The following RARB variants were observed in gnomAD, a reference collection of about 807,000 sequenced individuals.
RARB encodes the protein HBV-activated protein.
RARB carries 17 observed loss-of-function variants against 51.9 expected under a neutral mutation model. The ratio of observed to expected loss-of-function variants is 0.33; its 90% CI spans 0.22 to 0.49. The LOEUF is 0.49. Among genes scored for constraint, RARB ranks in the 20% least tolerant of loss-of-function variants. The probability of loss-of-function intolerance (pLI) is 0.99; values close to 1 mark genes in which losing one functional copy is unlikely to be tolerated. For missense variants in RARB, 369 were observed against 550.8 expected (o/e 0.67, Z 3.30); for synonymous variants, 215 against 195.4 (o/e 1.10, Z -0.84).
intron 3 of RARB, among the ~76,000 whole-genome samples, chr3:25,505,476 T>C (rs1488593262): frequency 6.6e-6 from 1 of 152,166 alleles, no homozygotes; most frequent in Non-Finnish European, 1.5e-5. Flanking sequence ...ATTTTACATG[T>C]GTAAGGGGAT....
chr3:25,330,429 A>G, intron 5 of RARB, among the ~76,000 whole-genome samples: 1 of 152,200 alleles, frequency 6.6e-6, no homozygotes. Context: ...TCATAAGTGA[A>G]GGAGAAATAA....
At chr3:25,243,073 G>A (rs1333606129) in intron 5 of RARB, among the ~76,000 whole-genome samples, 1 of 152,046 alleles carries the variant, frequency 6.6e-6, no homozygotes, top group South Asian at 2.1e-4. Context: ...TGTAGCAATT[G>A]TGAATGGGAA....
At chr3:24,836,346 G>C (rs1045073675) in intron 1 of RARB, among the ~76,000 whole-genome samples, 2 of 152,166 alleles carry the variant, frequency 1.3e-5, no homozygotes, top group Admixed American at 1.3e-4. Flanking sequence ...TCTTTTAAGA[G>C]TTTCAAATAT....
intron 3 of RARB, among the ~76,000 whole-genome samples, chr3:25,101,155 G>C (rs1699393189): frequency 6.6e-6 from 1 of 152,130 alleles, no homozygotes; most frequent in Non-Finnish European, 1.5e-5. Flanking sequence ...CAGAAGCCAA[G>C]ATTAACCAGA....
intron 5 of RARB, among the ~76,000 whole-genome samples, chr3:25,196,755 C>T (rs565296272): frequency 1.2e-4 from 18 of 152,124 alleles, no homozygotes; most frequent in Admixed American, 4.6e-4. Context: ...TTTTAATGAT[C>T]ACCATTCTAA....
At chr3:25,349,664 C>CA (rs950408372) in intron 5 of RARB, among the ~76,000 whole-genome samples, 7 of 151,276 alleles carry the variant, frequency 4.6e-5, no homozygotes, top group African/African-American at 1.2e-4. Flanking sequence ...TCTAAACAAA[C>CA]AAAAAAAAAT....
intron 3 of RARB, among the ~76,000 whole-genome samples, chr3:25,094,298 T>C (rs1490314144): frequency 2.0e-5 from 3 of 152,208 alleles, no homozygotes; most frequent in African/African-American, 4.8e-5. Context: ...TGATGGCATA[T>C]GTAGCTATAC....
At chr3:25,171,476 T>A (rs1185024012) in intron 4 of RARB, among the ~76,000 whole-genome samples, 9 of 16,968 alleles carry the variant, frequency 5.3e-4, no homozygotes, top group Non-Finnish European at 6.2e-4. Flanking sequence ...ATTATCAGTA[T>A]AAGCAGTTTA....
intron 2 of RARB, among the ~76,000 whole-genome samples, chr3:24,930,071 A>T (rs963770372): frequency 4.6e-5 from 7 of 152,236 alleles, no homozygotes; most frequent in Middle Eastern, 3.4e-3. Context: ...AAATATATTA[A>T]TTTGAATGGA....
intron 4 of RARB, among the ~76,000 whole-genome samples, chr3:25,160,172 A>G (rs780282493): frequency 1.4e-4 from 22 of 152,224 alleles, no homozygotes; most frequent in Non-Finnish European, 3.1e-4. Flanking sequence ...ATCATATATT[A>G]TCTCTAGGCT....
chr3:25,105,119 A>C (rs1205598805), intron 3 of RARB, among the ~76,000 whole-genome samples: 1 of 152,180 alleles, frequency 6.6e-6, no homozygotes, highest in Non-Finnish European at 1.5e-5. Context: ...TGTTACGCTA[A>C]AGGTAAAATA....
At chr3:25,186,309 A>G (rs1430305191) in intron 5 of RARB, among the ~76,000 whole-genome samples, 6 of 152,130 alleles carry the variant, frequency 3.9e-5, no homozygotes, top group African/African-American at 1.4e-4. Context: ...TATTAGAAAG[A>G]GTGTGGATCA....
intron 5 of RARB, among the ~76,000 whole-genome samples, chr3:25,261,123 A>G (rs539556305): frequency 4.6e-5 from 7 of 152,252 alleles, no homozygotes; most frequent in Admixed American, 3.3e-4. Context: ...CATGTTCTAC[A>G]TGTGTTACTT....
At chr3:25,385,723 G>A (rs1706774350) in intron 5 of RARB, among the ~76,000 whole-genome samples, 1 of 152,102 alleles carries the variant, frequency 6.6e-6, no homozygotes, top group African/African-American at 2.4e-5. Context: ...CTACATACCA[G>A]CCTGCCCTAC....
intron 3 of RARB, among the ~76,000 whole-genome samples, chr3:25,123,055 A>C (rs186012182): frequency 6.6e-6 from 1 of 152,166 alleles, no homozygotes; most frequent in East Asian, 1.9e-4. Flanking sequence ...CAACAATTCA[A>C]TTCTCCTGCA....
chr3:24,852,893 G>T (rs1702578592), intron 1 of RARB, among the ~76,000 whole-genome samples: 1 of 152,146 alleles, frequency 6.6e-6, no homozygotes. Context: ...TTGTGGTGAT[G>T]ATGGAAATGT....
intron 3 of RARB, among the ~76,000 whole-genome samples, chr3:25,091,589 T>C (rs1699200595): frequency 6.6e-6 from 1 of 152,142 alleles, no homozygotes; most frequent in Non-Finnish European, 1.5e-5. Flanking sequence ...AGGGTATTTT[T>C]CCCCACTTAC....
chr3:25,348,090 G>A (rs1190137797), intron 5 of RARB, among the ~76,000 whole-genome samples: 2 of 152,040 alleles, frequency 1.3e-5, no homozygotes, highest in Non-Finnish European at 2.9e-5. Context: ...ATCTTCATAG[G>A]CTTCATGGGC....
At chr3:25,359,774 G>C (rs1318251994) in intron 5 of RARB, among the ~76,000 whole-genome samples, 1 of 152,142 alleles carries the variant, frequency 6.6e-6, no homozygotes, top group Non-Finnish European at 1.5e-5. Context: ...TTTCCATGTT[G>C]TTATGAGGTT....
Sources: allele counts gnomAD v4.1 joint callset (sites outside exome capture counted in the v4.1 genomes callset), GRCh38; gene constraint gnomAD v4.1.1; transcripts MANE v1.5; gene names NCBI Gene and HGNC (gene_info 2026-07-23, HGNC 2026-07-21).